FRMD5: variants seen among roughly 807,000 people sequenced by gnomAD.
The protein encoded by FRMD5 is FERM domain containing 5.
Under a neutral mutation model 69.0 loss-of-function variants are expected in FRMD5, and 20 were observed. That is an observed-to-expected ratio of 0.29 (90% CI 0.20 to 0.42). The LOEUF is 0.42. FRMD5 is among the 10% of genes least tolerant of loss of function. The pLI, the probability that FRMD5 is intolerant of heterozygous loss-of-function variation, is 1.00. For synonymous variants in FRMD5, 271 were observed against 260.1 expected, an observed-to-expected ratio of 1.04 and a Z score of -0.40; for missense variants, 595 against 708.6, an observed-to-expected ratio of 0.84 and a Z score of 1.82.
intron 1 of FRMD5, among the ~76,000 whole-genome samples, chr15:44,156,334 G>C (rs769987602): frequency 4.6e-5 from 7 of 151,968 alleles, no homozygotes; most frequent in Non-Finnish European, 1.0e-4. Context: ...AGTAGAGACG[G>C]GGTTTCACCA....
chr15:44,083,480 C>A (rs775855145), intron 1 of FRMD5, among the ~76,000 whole-genome samples: 15 of 152,012 alleles, frequency 9.9e-5, no homozygotes, highest in Non-Finnish European at 1.9e-4. Context: ...TTGTTTCTAA[C>A]CTCTGTGATC....
chr15:44,181,677 G>T (rs2078004040), intron 1 of FRMD5, among the ~76,000 whole-genome samples: 2 of 152,100 alleles, frequency 1.3e-5, no homozygotes, highest in South Asian at 4.1e-4. Context: ...TGACGTGGGA[G>T]GATTACTTGA....
At chr15:43,948,420 C>T (rs1240854066) in intron 1 of FRMD5, among the ~76,000 whole-genome samples, 1 of 152,192 alleles carries the variant, frequency 6.6e-6, no homozygotes, top group Non-Finnish European at 1.5e-5. Flanking sequence ...TGAAACCATC[C>T]TTTCTTCTAA....
intron 1 of FRMD5, among the ~76,000 whole-genome samples, chr15:44,106,986 T>C (rs898679244): frequency 2.7e-4 from 41 of 152,330 alleles, no homozygotes; most frequent in African/African-American, 9.4e-4. Context: ...TTTTAAAATA[T>C]GCATCAATTC....
chr15:44,124,409 T>C (rs2140403162), intron 1 of FRMD5, among the ~76,000 whole-genome samples: 1 of 151,500 alleles, frequency 6.6e-6, no homozygotes, highest in East Asian at 2.0e-4. Context: ...AGAAGAAAAA[T>C]AAAGATGTTC....
At position 43,872,028 on chromosome 15, in the gene FRMD5, A is replaced by G. The variant is rs1043012742; in HGVS notation, c.*1857T>C. 5 of 152,202 alleles carry G rather than the reference A, an allele frequency of 3.3e-5. No individual in the cohort carries two copies. The highest frequency in any genetic ancestry group is 2.0e-4 in the Admixed American group (3 of 15,282). 9.4% of individuals were successfully genotyped at this position (152,202 alleles called of 1,614,324 possible). On this transcript the variant is annotated 3_prime_UTR_variant, in exon 14 of 14. Coordinates refer to ENST00000417257, the MANE Select transcript of FRMD5 (RefSeq NM_032892.5). ...TAAATTCAGCTCACTGTTTTCATAA[A>G]GTTTTATTGGAACACAGCCATGTTC...
At position 44,194,941 on chromosome 15, in the gene FRMD5, C is replaced by A; in HGVS notation, c.102+12G>T. 6.6e-7 allele frequency: 1 copy of A among 1,514,210 alleles called. No individual in the cohort carries two copies. The highest frequency in any genetic ancestry group is 8.8e-7 in the Non-Finnish European group (1 of 1,133,834). 93.8% of individuals were successfully genotyped at this position (1,514,210 alleles called of 1,614,324 possible). A position where few individuals can be genotyped will look rare whatever the true frequency, so the allele number is the denominator to read the frequency against. Reference sequence around the variant, plus strand: ...GGGTCCCGCGGGCGGGGCGGGGCGGCGCGGCGCTGACCTGGATGGTGCAGG... The same window carrying A: ...GGGTCCCGCGGGCGGGGCGGGGCGGAGCGGCGCTGACCTGGATGGTGCAGG... On this transcript the variant is annotated intron_variant, in intron 1 of 13. Transcript: ENST00000417257.
intron 1 of FRMD5, among the ~76,000 whole-genome samples, chr15:43,943,247 AAAAAG>A (rs1180436925): frequency 6.6e-6 from 1 of 152,298 alleles, no homozygotes; most frequent in South Asian, 2.1e-4. Flanking sequence ...TATCTCAAAA[AAAAAG>A]AAAAGAAAAA....
intron 1 of FRMD5, among the ~76,000 whole-genome samples, chr15:43,979,213 C>G (rs1595582145): frequency 6.6e-6 from 1 of 152,038 alleles, no homozygotes; most frequent in African/African-American, 2.4e-5. Flanking sequence ...ATGGCAGGTG[C>G]CTGTATCCCA....
chr15:44,111,230 T>C (rs772284804), intron 1 of FRMD5, among the ~76,000 whole-genome samples: 40 of 152,346 alleles, frequency 2.6e-4, no homozygotes, highest in Admixed American at 5.9e-4. Flanking sequence ...GCCTTCCATC[T>C]GCAACAGGGA....
Position 44,002,521 on chromosome 15 carries a change from CTGAG to C in FRMD5, c.103-78216_103-78213del, listed in dbSNP as rs766602693. Among the ~76,000 whole-genome samples, 74 of 152,110 alleles carry C rather than the reference CTGAG, an allele frequency of 4.9e-4. 1 individual carries two copies. The highest frequency in any genetic ancestry group is 7.9e-4 in the Admixed American group (12 of 15,258). ...CTCACATCTCCAAAAACCAATCTCC[CTGAG>C]TGAGTAATTCTTGTCCCTTTTAAGG... On this transcript the variant is annotated intron_variant, in intron 1 of 13. Coordinates refer to ENST00000417257, the MANE Select transcript of FRMD5 (RefSeq NM_032892.5).
chr15:43,916,727 A>G (rs2089394715), intron 4 of FRMD5, among the ~76,000 whole-genome samples: 1 of 152,096 alleles, frequency 6.6e-6, no homozygotes, highest in Non-Finnish European at 1.5e-5. Flanking sequence ...CTTCTTGGGT[A>G]GGAAGGTCTG....
At chr15:44,182,531 A>G (rs28673086) in intron 1 of FRMD5, among the ~76,000 whole-genome samples, 26,574 of 150,404 alleles carry the variant, frequency 0.18, 5,757 homozygotes, top group African/African-American at 0.52. Flanking sequence ...AGGTTTCATC[A>G]TGTTAGCCAG....
rs1567199412 is a variant in FRMD5 at position 43,873,243 on chromosome 15, A to AAAAGG, written c.*637_*641dup. 6.5e-7 allele frequency: 1 copy of AAAAGG among 1,548,994 alleles called. No homozygotes were observed. Among genetic ancestry groups the AAAAGG allele is most frequent in the Admixed American group, 2.0e-5 (1 of 50,650 alleles). ...CCACTCTGCTCAGATTTGAAAAAAC[A>AAAAGG]AAAGGAAAAGAAAATCCAACTCAGA... is the stretch of plus-strand genomic sequence containing the variant. On this transcript the variant is annotated 3_prime_UTR_variant, in exon 14 of 14. Transcript: ENST00000417257.
chr15:44,015,576 G>A lies in FRMD5; in HGVS notation c.103-91267C>T, dbSNP rs531714791. ...TTAAGAGTACAACTCATTTCACTAA[G>A]TGAAATAAGGTCATTCTTTTTAATT... On this transcript the variant is annotated intron_variant, in intron 1 of 13. Coordinates refer to ENST00000417257, the MANE Select transcript of FRMD5 (RefSeq NM_032892.5). Among the ~76,000 whole-genome samples the A allele has an allele frequency of 5.9e-5, 9 of 152,230 alleles. 1 individual carries two copies. The South Asian group carries it at 1.9e-3, about 32-fold the overall frequency.
chr15:44,154,100 C>T lies in FRMD5; in HGVS notation c.102+40853G>A, dbSNP rs186085820. 3.9e-3 allele frequency among the ~76,000 whole-genome samples: 600 copies of T among 152,260 alleles called. 5 individuals carry two copies. The highest frequency in any genetic ancestry group is 0.014 in the African/African-American group (561 of 41,532). On this transcript the variant is annotated intron_variant, in intron 1 of 13. Coordinates refer to ENST00000417257, the MANE Select transcript of FRMD5 (RefSeq NM_032892.5). ...ACTTTGGAAGGCCAAGGTCAACAAA[C>T]TGCTTAAGCCCAGGAGTTGGAGTCC...
chr15:43,965,957 A>G (rs1304544958), intron 1 of FRMD5, among the ~76,000 whole-genome samples: 2 of 152,194 alleles, frequency 1.3e-5, no homozygotes, highest in Non-Finnish European at 2.9e-5. Context: ...ATCAGGAACT[A>G]TATAATCCCA....
chr15:43,945,842 G>C (rs780592054), intron 1 of FRMD5, among the ~76,000 whole-genome samples: 5 of 152,132 alleles, frequency 3.3e-5, no homozygotes, highest in Non-Finnish European at 7.3e-5. Context: ...TGGATCACGA[G>C]GTCAGGAGTT....
chr15:44,181,481 G>A (rs960795299), intron 1 of FRMD5, among the ~76,000 whole-genome samples: 5 of 151,994 alleles, frequency 3.3e-5, no homozygotes, highest in African/African-American at 1.2e-4. Flanking sequence ...TCAAAACCAG[G>A]AAATTTACAT....
Sources: allele counts gnomAD v4.1 joint callset (sites outside exome capture counted in the v4.1 genomes callset), GRCh38; gene constraint gnomAD v4.1.1; transcripts MANE v1.5; gene names NCBI Gene and HGNC (gene_info 2026-07-23, HGNC 2026-07-21).